Variants in TMTC2 observed in about 807,000 individuals in gnomAD.
TMTC2 encodes transmembrane O-mannosyltransferase targeting cadherins 2.
A neutral mutation model predicts 82.4 loss-of-function variants in TMTC2; 43 were observed. That is an observed-to-expected ratio of 0.52 (90% CI 0.41 to 0.67). The LOEUF is 0.67. Ranked by LOEUF, TMTC2 falls within the 30% of genes least tolerant of loss-of-function variation. The pLI, the probability that TMTC2 is intolerant of heterozygous loss-of-function variation, is 0.00. For missense variants in TMTC2, 919 were observed against 1,012.4 expected, an observed-to-expected ratio of 0.91 and a Z score of 1.25; for synonymous variants, 408 against 381.9, an observed-to-expected ratio of 1.07 and a Z score of -0.80.
intron 3 of TMTC2, among the ~76,000 whole-genome samples, chr12:82,904,574 G>T (rs1351800611): frequency 6.6e-6 from 1 of 152,174 alleles, no homozygotes; most frequent in Non-Finnish European, 1.5e-5. Flanking sequence ...GTTGATTACT[G>T]TAGTTTGCTG....
At chr12:82,967,873 T>C (rs1042078979) in intron 7 of TMTC2, among the ~76,000 whole-genome samples, 7 of 152,140 alleles carry the variant, frequency 4.6e-5, no homozygotes, top group African/African-American at 1.7e-4. Context: ...GCATATAAAA[T>C]AAATGAGATT....
At chr12:82,749,084 A>T (rs1416052348) in intron 1 of TMTC2, among the ~76,000 whole-genome samples, 1 of 152,246 alleles carries the variant, frequency 6.6e-6, no homozygotes, top group East Asian at 1.9e-4. Context: ...ACTTGACCCC[A>T]ATAAATAGAA....
chr12:82,705,349 AAAAG>A (rs1193123139), intron 1 of TMTC2, among the ~76,000 whole-genome samples: 1 of 152,220 alleles, frequency 6.6e-6, no homozygotes, highest in Non-Finnish European at 1.5e-5. Flanking sequence ...AAAATTCAAA[AAAAG>A]AAAATTGTCC....
intron 1 of TMTC2, among the ~76,000 whole-genome samples, chr12:82,729,778 C>T (rs1446680553): frequency 2.0e-5 from 3 of 152,212 alleles, no homozygotes; most frequent in Non-Finnish European, 4.4e-5. Context: ...GCTGTGGTAG[C>T]TTTGTTCTTT....
chr12:83,046,868 A>G (rs967439621), intron 9 of TMTC2, among the ~76,000 whole-genome samples: 1 of 152,162 alleles, frequency 6.6e-6, no homozygotes, highest in African/African-American at 2.4e-5. Flanking sequence ...GATTTCCACC[A>G]TTGCTTCAGC....
intron 1 of TMTC2, among the ~76,000 whole-genome samples, chr12:82,763,977 G>A (rs956858235): frequency 6.6e-6 from 1 of 152,156 alleles, no homozygotes; most frequent in African/African-American, 2.4e-5. Context: ...CTACTTGCAA[G>A]AAGACTCTAG....
intron 7 of TMTC2, among the ~76,000 whole-genome samples, chr12:82,970,805 A>G (rs1016650283): frequency 6.6e-6 from 1 of 152,022 alleles, no homozygotes; most frequent in Non-Finnish European, 1.5e-5. Context: ...GAATTACTGT[A>G]TTTTCTCTCC....
chr12:82,771,495 C>T (rs1877308019), intron 1 of TMTC2, among the ~76,000 whole-genome samples: 1 of 151,978 alleles, frequency 6.6e-6, no homozygotes, highest in Non-Finnish European at 1.5e-5. Context: ...TAGATGGGCC[C>T]CAGTTTTTTG....
chr12:82,693,321 C>T (rs148014117), intron 1 of TMTC2, among the ~76,000 whole-genome samples: 54 of 152,282 alleles, frequency 3.5e-4, no homozygotes, highest in African/African-American at 1.2e-3. Flanking sequence ...AACACTCACT[C>T]CTAAGATTCA....
chr12:83,089,467 G>A (rs1883768085), intron 11 of TMTC2, among the ~76,000 whole-genome samples: 1 of 152,012 alleles, frequency 6.6e-6, no homozygotes, highest in Admixed American at 6.6e-5. Flanking sequence ...TAGTTTTATG[G>A]TGTTTCAGGT....
At chr12:82,989,899 C>G (rs1303076810) in intron 8 of TMTC2, among the ~76,000 whole-genome samples, 2 of 151,980 alleles carry the variant, frequency 1.3e-5, no homozygotes, top group African/African-American at 4.8e-5. Context: ...AATACAAACC[C>G]TATTATGGAA....
intron 11 of TMTC2, among the ~76,000 whole-genome samples, chr12:83,118,425 T>C (rs12297942): frequency 0.036 from 5,414 of 152,286 alleles, 153 homozygotes; most frequent in South Asian, 0.099. Flanking sequence ...TCTATTAAGA[T>C]GATCATGTGA....
intron 1 of TMTC2, among the ~76,000 whole-genome samples, chr12:82,728,408 T>C (rs948394921): frequency 2.0e-5 from 3 of 152,086 alleles, no homozygotes; most frequent in African/African-American, 7.2e-5. Flanking sequence ...CAAAAGTACC[T>C]GAAGGCTTTT....
intron 9 of TMTC2, among the ~76,000 whole-genome samples, chr12:83,041,121 A>G (rs983949270): frequency 6.6e-6 from 1 of 152,174 alleles, no homozygotes; most frequent in African/African-American, 2.4e-5. Context: ...AGTGTTTATA[A>G]CTAGGTCATG....
rs77934302 is a variant in TMTC2, at chr12:82,863,433, A to C, written c.654+5853A>C. On this transcript the variant is annotated intron_variant, in intron 2 of 11. Transcript: ENST00000321196. Reference sequence around the variant, plus strand: ...GATTTCCTCCCAGTAAACTTGTGGCATTTAATATTCATGACCTGTAGTACT... The same window carrying C: ...GATTTCCTCCCAGTAAACTTGTGGCCTTTAATATTCATGACCTGTAGTACT... Among the ~76,000 whole-genome samples, 571 of 152,344 alleles carry C rather than the reference A, an allele frequency of 3.7e-3. 1 individual carries two copies. The highest frequency in any genetic ancestry group is 6.7e-3 in the Non-Finnish European group (454 of 68,042).
intron 1 of TMTC2, among the ~76,000 whole-genome samples, chr12:82,814,556 C>T (rs1868579941): frequency 6.6e-6 from 1 of 152,106 alleles, no homozygotes; most frequent in African/African-American, 2.4e-5. Context: ...AAATTGTTAT[C>T]TTGCAGTAGT....
chr12:82,932,676 T>A (rs1876104575), intron 4 of TMTC2, among the ~76,000 whole-genome samples: 1 of 152,184 alleles, frequency 6.6e-6, no homozygotes, highest in Admixed American at 6.6e-5. Flanking sequence ...AAAGGGGGCC[T>A]CTTGCCTTGC....
intron 11 of TMTC2, among the ~76,000 whole-genome samples, chr12:83,082,433 T>C (rs547550374): frequency 4.8e-4 from 73 of 152,324 alleles, no homozygotes; most frequent in African/African-American, 1.6e-3. Flanking sequence ...AGTTTGACAA[T>C]CAAAGTGCAA....
At chr12:82,829,074 AG>A (rs1168848525) in intron 1 of TMTC2, among the ~76,000 whole-genome samples, 1 of 152,198 alleles carries the variant, frequency 6.6e-6, no homozygotes, top group Non-Finnish European at 1.5e-5. Context: ...AGTAGGTAGC[AG>A]CATTGTCCAT....
Sources: allele counts gnomAD v4.1 joint callset (sites outside exome capture counted in the v4.1 genomes callset), GRCh38; gene constraint gnomAD v4.1.1; transcripts MANE v1.5; gene names NCBI Gene and HGNC (gene_info 2026-07-23, HGNC 2026-07-21).